The following SLC39A10 variants were observed in gnomAD, a reference collection of about 807,000 sequenced individuals.
SLC39A10 encodes solute carrier family 39 member 10.
A neutral mutation model predicts 65.1 loss-of-function variants in SLC39A10; 13 were observed. The observed-to-expected ratio is 0.20, with a 90% CI of 0.13 to 0.32. The LOEUF is 0.32. Among genes scored for constraint, SLC39A10 ranks in the 10% least tolerant of loss-of-function variants. The pLI is 1.00. For synonymous variants in SLC39A10, 321 were observed against 342.2 expected, an observed-to-expected ratio of 0.94 and a Z score of 0.68; for missense variants, 831 against 1,018.4, an observed-to-expected ratio of 0.82 and a Z score of 2.50.
Position 195,706,620 on chromosome 2 carries a change from G to T in SLC39A10, c.1221G>T (p.Trp407Cys). The T allele has an allele frequency of 6.2e-7, 1 of 1,610,172 alleles. No homozygotes were observed. The highest frequency in any genetic ancestry group is 8.5e-7 in the Non-Finnish European group (1 of 1,178,270). The change falls in exon 4 of 10, where the codon TGG becomes TGT. Residue 407 changes from tryptophan (W) to cysteine (C), a missense_variant. Transcript: ENST00000359634. The part of the protein sequence containing the change: ...EDEANIGASA[W>C]ICGIISITVI... The stretch of plus-strand genomic sequence containing the variant: ...CTCTTAATTTCTTTTCTACAGCCTG[G>T]ATTTGTGGTATCATTTCTATCACTG...
intron 2 of SLC39A10, among the ~76,000 whole-genome samples, chr2:195,622,421 T>C (rs1020815428): frequency 2.0e-5 from 3 of 152,096 alleles, no homozygotes; most frequent in Non-Finnish European, 4.4e-5. Context: ...ATGAGTGATT[T>C]AGAATTTACC....
intron 2 of SLC39A10, among the ~76,000 whole-genome samples, chr2:195,626,205 T>C (rs1688469562): frequency 6.6e-6 from 1 of 152,220 alleles, no homozygotes; most frequent in Non-Finnish European, 1.5e-5. Context: ...TCTTCAAAGC[T>C]TCAGGCCTCC....
Position 195,666,109 on chromosome 2 carries a change from T to C in SLC39A10, c.-12+8828T>C, listed in dbSNP as rs530302462. ...AGCTCTGTGTTTCTGAATGTAGCTA[T>C]ATAAGAAAGGGGAATGTGGTCAAGA... is the stretch of plus-strand genomic sequence containing the variant. On this transcript the variant is annotated intron_variant, in intron 1 of 9. Transcript: ENST00000359634. 1.2e-3 allele frequency among the ~76,000 whole-genome samples: 184 copies of C among 152,268 alleles called. 1 individual carries two copies. The highest frequency in any genetic ancestry group is 4.2e-3 in the African/African-American group (173 of 41,560).
rs1464022337 is a variant in SLC39A10 at position 195,728,773 on chromosome 2, CTT to C, written c.2337+425_2337+426del. 6.6e-6 allele frequency among the ~76,000 whole-genome samples: 1 copy of C among 152,056 alleles called. No homozygotes were observed. Among genetic ancestry groups the C allele is most frequent in the Non-Finnish European group, 1.5e-5 (1 of 68,004 alleles). ...ATTCCATAGGATTTATGTAATTTCTCTTATTTCTAAATTTAGCTTAAAGTTAA... is the reference window on the plus strand; with the variant it reads ...ATTCCATAGGATTTATGTAATTTCTCATTTCTAAATTTAGCTTAAAGTTAA... On this transcript the variant is annotated intron_variant, in intron 9 of 9. Coordinates refer to ENST00000359634, the MANE Select transcript of SLC39A10 (RefSeq NM_020342.3). This position sits in a 1 kb window ranked among gnomAD's most constrained non-coding sequence, Gnocchi z 4.4.
At chr2:195,645,077 T>G (rs1490279012) in intron 2 of SLC39A10, among the ~76,000 whole-genome samples, 1 of 151,900 alleles carries the variant, frequency 6.6e-6, no homozygotes, top group Non-Finnish European at 1.5e-5. Flanking sequence ...GCCCGGCTAA[T>G]TTTGTATTTT....
intron 2 of SLC39A10, among the ~76,000 whole-genome samples, chr2:195,647,590 CT>C (rs1688948466): frequency 6.6e-6 from 1 of 151,932 alleles, no homozygotes. Flanking sequence ...TTTGGGAAGC[CT>C]GAGTGTATCC....
intron 3 of SLC39A10, among the ~76,000 whole-genome samples, chr2:195,691,208 T>G (rs1242105619): frequency 6.6e-6 from 1 of 152,158 alleles, no homozygotes; most frequent in African/African-American, 2.4e-5. Flanking sequence ...CTGAGTAGTA[T>G]TCCATGGTAT....
chr2:195,717,174 A>G (rs982019089), intron 7 of SLC39A10, 169 bp downstream of exon 7: 8 of 785,694 alleles, frequency 1.0e-5, no homozygotes, highest in Non-Finnish European at 1.3e-5. Flanking sequence ...GTGTAAGGGT[A>G]TAATTTAGTG....
At chr2:195,657,793 C>T (rs1047854941) in intron 1 of SLC39A10, among the ~76,000 whole-genome samples, 2 of 151,984 alleles carry the variant, frequency 1.3e-5, no homozygotes, top group South Asian at 2.1e-4. Context: ...CTTCTCCAGT[C>T]CTTCTCTCTG....
At chr2:195,731,992 C>T (rs1407524100) in intron 9 of SLC39A10, among the ~76,000 whole-genome samples, 1 of 152,150 alleles carries the variant, frequency 6.6e-6, no homozygotes, top group Non-Finnish European at 1.5e-5. Context: ...ATTGGAAACA[C>T]TCTAAATGTT....
chr2:195,723,963 A>G (rs1432304877), intron 8 of SLC39A10, among the ~76,000 whole-genome samples: 1 of 152,178 alleles, frequency 6.6e-6, no homozygotes, highest in Non-Finnish European at 1.5e-5. Flanking sequence ...CTCAATTAAG[A>G]GAGGTTATAG....
intron 2 of SLC39A10, among the ~76,000 whole-genome samples, chr2:195,642,916 T>C (rs1426275317): frequency 6.6e-6 from 1 of 152,116 alleles, no homozygotes; most frequent in Non-Finnish European, 1.5e-5. Flanking sequence ...GAGAGGTTAA[T>C]GAAAAACCAA....
Position 195,737,363 on chromosome 2 carries a change from T to TAC in SLC39A10, c.*2323_*2324insCA. The TAC allele has an allele frequency of 6.7e-6, 1 of 149,004 alleles. No homozygotes were observed. The highest frequency in any genetic ancestry group is 1.5e-5 in the Non-Finnish European group (1 of 68,532). The allele number at this position is 149,004 out of a possible 1,614,324, so 9.2% of individuals were successfully genotyped here. A position where few individuals can be genotyped will look rare whatever the true frequency, so the allele number is the denominator to read the frequency against. On this transcript the variant is annotated 3_prime_UTR_variant, in exon 10 of 10. Coordinates refer to ENST00000359634, the MANE Select transcript of SLC39A10 (RefSeq NM_020342.3). ...TGTGACATCCATATGAATTTTGGTA[T>TAC]ATATCAATCAATCAATCAATCACAT...
chr2:195,685,630 C>T (rs573494261), intron 3 of SLC39A10, among the ~76,000 whole-genome samples: 8 of 152,274 alleles, frequency 5.3e-5, no homozygotes, highest in Admixed American at 6.5e-5. Context: ...CTGACGACTA[C>T]GATTCTTCAA....
At chr2:195,616,717 C>T (rs1216442382) in intron 2 of SLC39A10, among the ~76,000 whole-genome samples, 1 of 151,900 alleles carries the variant, frequency 6.6e-6, no homozygotes, top group Non-Finnish European at 1.5e-5. Flanking sequence ...CATTCTCCTG[C>T]CTCAGCCTTC....
At chr2:195,678,830 ATT>A (rs1231633064) in intron 1 of SLC39A10, among the ~76,000 whole-genome samples, 1 of 152,100 alleles carries the variant, frequency 6.6e-6, no homozygotes, top group African/African-American at 2.4e-5. Context: ...TATTTTAATA[ATT>A]TTTATATTGA....
chr2:195,628,620 T>C (rs1361577989), intron 2 of SLC39A10, among the ~76,000 whole-genome samples: 5 of 152,220 alleles, frequency 3.3e-5, no homozygotes, highest in African/African-American at 1.2e-4. Flanking sequence ...ATTGCAAATG[T>C]GATAAGCACT....
intron 3 of SLC39A10, among the ~76,000 whole-genome samples, chr2:195,688,848 G>A (rs2105783718): frequency 6.6e-6 from 1 of 152,220 alleles, no homozygotes; most frequent in East Asian, 1.9e-4. Flanking sequence ...ATTTTATGTA[G>A]TTATAAGTTT....
rs1240657860 is a variant in SLC39A10 at position 195,680,212 on chromosome 2, A to C, written c.170A>C (p.Glu57Ala). The C allele has an allele frequency of 6.2e-7, 1 of 1,613,968 alleles. No homozygotes were observed. Among genetic ancestry groups the C allele is most frequent in the Admixed American group, 1.7e-5 (1 of 59,998 alleles). ...EPSKFSKQAA[E>A]NEKKYYIEKL... ...AGCAAATTTTCAAAGCAAGCTGCTG[A>C]AAATGAAAAAAAATACTATATTGAA... The change falls in exon 2 of 10, where the codon GAA (glutamate) becomes GCA (alanine). Residue 57 changes from glutamate (E) to alanine (A), a missense_variant. By Grantham distance (107) the Glu-to-Ala change is moderately radical. This residue lies in a region of SLC39A10 where 446 missense variants were observed against 499.2 expected (regional missense o/e 0.89). Coordinates refer to ENST00000359634, the MANE Select transcript of SLC39A10 (RefSeq NM_020342.3).
Sources: gnomAD v4.1 joint callset for allele counts (sites outside exome capture counted in the v4.1 genomes callset) on GRCh38, gnomAD v4.1.1 for gene constraint, gnomAD v4.1.1 regional missense constraint, Gnocchi (gnomAD v3.1) non-coding constraint, MANE v1.5 for transcripts, NCBI Gene and HGNC (gene_info 2026-07-23, HGNC 2026-07-21) for gene names.